Variants in DOCK8 observed in about 807,000 individuals in gnomAD.
DOCK8 encodes the protein dedicator of cytokinesis 8.
DOCK8 carries 141 observed loss-of-function variants against 245.6 expected under a neutral mutation model. The observed-to-expected ratio is 0.57, with a 90% CI of 0.50 to 0.66. DOCK8 has a LOEUF of 0.66. Among genes scored for constraint, DOCK8 ranks in the 30% least tolerant of loss-of-function variants. DOCK8 has a pLI of 0.00. For missense variants in DOCK8, 2,965 were observed against 2,603.4 expected (o/e 1.14, Z -3.02); for synonymous variants, 1,168 against 970.2 (o/e 1.20, Z -3.79).
intron 8 of DOCK8, among the ~76,000 whole-genome samples, chr9:326,925 C>T (rs530730038): frequency 6.6e-6 from 1 of 152,330 alleles, no homozygotes; most frequent in East Asian, 1.9e-4. Context: ...CACTAAAATT[C>T]TCATGGTGAT....
At chr9:403,307 C>A (rs2055201388) in intron 26 of DOCK8, among the ~76,000 whole-genome samples, 1 of 152,150 alleles carries the variant, frequency 6.6e-6, no homozygotes, top group Admixed American at 6.5e-5. Context: ...TGACCCGACA[C>A]CTGTTAATGA....
chr9:400,964 ACCTCCTCCACCATCACCACCT>A (rs1430158913), intron 26 of DOCK8, among the ~76,000 whole-genome samples: 1 of 111,610 alleles, frequency 9.0e-6, no homozygotes, highest in South Asian at 3.1e-4. Context: ...CACCACCACC[ACCTCCTCCACCATCACCACCT>A]CCTCCACCAC....
intron 14 of DOCK8, among the ~76,000 whole-genome samples, chr9:366,964 A>G (rs1478139567): frequency 6.6e-6 from 1 of 152,208 alleles, no homozygotes; most frequent in Non-Finnish European, 1.5e-5. Flanking sequence ...GGTTATGAGC[A>G]TGACTCTGGA....
chr9:250,250 TG>T (rs2047615122), intron 1 of DOCK8, among the ~76,000 whole-genome samples: 1 of 152,342 alleles, frequency 6.6e-6, no homozygotes, highest in African/African-American at 2.4e-5. Flanking sequence ...TGCTTGCAGT[TG>T]GGCAAAAGAG....
At chr9:336,499 A>C in intron 11 of DOCK8, 83 bp from the exon 12 acceptor site, 1 of 1,575,956 alleles carries the variant, frequency 6.3e-7, no homozygotes, top group South Asian at 1.1e-5. Flanking sequence ...CAGTGACTTT[A>C]ATCATACATA....
intron 5 of DOCK8, among the ~76,000 whole-genome samples, chr9:311,061 G>A (rs140349457): frequency 5.7e-4 from 86 of 152,160 alleles, no homozygotes; most frequent in African/African-American, 1.8e-3. Context: ...TGATGGCGGC[G>A]GATCACCTAA....
chr9:319,989 CAA>C (rs1473922657), intron 7 of DOCK8, among the ~76,000 whole-genome samples: 2 of 152,222 alleles, frequency 1.3e-5, no homozygotes, highest in East Asian at 1.9e-4. Flanking sequence ...CAATCTCCCT[CAA>C]GAGATTCTGG....
At chr9:370,447 G>C (rs2053235140) in intron 16 of DOCK8, 147 bp downstream of exon 16, 2 of 730,846 alleles carry the variant, frequency 2.7e-6, no homozygotes, top group Non-Finnish European at 4.9e-6. Context: ...CCGTGACTCT[G>C]TGTTGAAGAT....
At chr9:330,156 A>T (rs2050943278) in intron 9 of DOCK8, among the ~76,000 whole-genome samples, 1 of 152,220 alleles carries the variant, frequency 6.6e-6, no homozygotes, top group Non-Finnish European at 1.5e-5. Context: ...ATACGGCTTT[A>T]AGGGATTATT....
At position 245,933 on chromosome 9, in the gene DOCK8, C is replaced by G. The variant is rs1373261871; in HGVS notation, c.54-25694C>G. Among the ~76,000 whole-genome samples, 5 of 152,248 alleles carry G rather than the reference C, an allele frequency of 3.3e-5. No homozygotes were observed. The East Asian group carries it at 9.6e-4, about 29-fold the overall frequency. ...CAAACAAAAGCAATTAAAAATTGGG[C>G]ATCTGGCTGGGCATGGTGGCTCACA... On this transcript the variant is annotated intron_variant, in intron 1 of 47. Coordinates refer to ENST00000432829, the MANE Select transcript of DOCK8 (RefSeq NM_203447.4).
At chr9:290,195 G>A (rs571739150) in intron 4 of DOCK8, among the ~76,000 whole-genome samples, 9 of 152,022 alleles carry the variant, frequency 5.9e-5, no homozygotes, top group African/African-American at 1.9e-4. Flanking sequence ...CCTAGCCCGT[G>A]GGCAACATGG....
intron 7 of DOCK8, 67 bp from the exon 8 acceptor site, chr9:325,604 G>T: frequency 7.8e-7 from 1 of 1,278,756 alleles, no homozygotes; most frequent in Non-Finnish European, 1.1e-6. Flanking sequence ...ATCTATCTAG[G>T]TGTTTTCAGA....
At chr9:315,507 A>T (rs1354770710) in intron 6 of DOCK8, among the ~76,000 whole-genome samples, 3 of 152,218 alleles carry the variant, frequency 2.0e-5, no homozygotes, top group Non-Finnish European at 4.4e-5. Context: ...GACAAAAATT[A>T]TTTAGTGGCA....
intron 4 of DOCK8, among the ~76,000 whole-genome samples, chr9:295,881 A>C (rs1020853275): frequency 6.6e-6 from 1 of 152,236 alleles, no homozygotes; most frequent in Non-Finnish European, 1.5e-5. Context: ...TAATTGAGAC[A>C]TTTAAATCAT....
At chr9:220,070 C>T (rs663013) in intron 1 of DOCK8, among the ~76,000 whole-genome samples, 40,110 of 152,044 alleles carry the variant, frequency 0.26, 5,783 homozygotes, top group East Asian at 0.35. Context: ...AGCTGTTCCT[C>T]AGTAGTGGGG....
intron 4 of DOCK8, among the ~76,000 whole-genome samples, chr9:291,489 T>G (rs184224933): frequency 2.7e-3 from 406 of 152,270 alleles, no homozygotes; most frequent in African/African-American, 9.5e-3. Context: ...TAACATGCAT[T>G]TTCAGTTTTC....
chr9:308,069 G>A (rs1025096887), intron 5 of DOCK8, among the ~76,000 whole-genome samples: 6 of 152,212 alleles, frequency 3.9e-5, no homozygotes, highest in African/African-American at 1.4e-4. Flanking sequence ...ATGGAGAAGG[G>A]AATAGAGAGG....
At chr9:227,193 A>C (rs1347727401) in intron 1 of DOCK8, among the ~76,000 whole-genome samples, 8 of 152,236 alleles carry the variant, frequency 5.3e-5, no homozygotes, top group Non-Finnish European at 8.8e-5. Flanking sequence ...CAATTATAAA[A>C]TAAATGGCAC....
chr9:310,504 G>GCTC (rs1563907560), intron 5 of DOCK8, among the ~76,000 whole-genome samples: 1 of 152,184 alleles, frequency 6.6e-6, no homozygotes, highest in Non-Finnish European at 1.5e-5. Flanking sequence ...TGTTGCCCAG[G>GCTC]CTGGAGTACA....
Sources: gnomAD v4.1 joint callset for allele counts (sites outside exome capture counted in the v4.1 genomes callset) on GRCh38, gnomAD v4.1.1 for gene constraint, MANE v1.5 for transcripts, NCBI Gene and HGNC (gene_info 2026-07-23, HGNC 2026-07-21) for gene names.